RAB7A: variants seen among roughly 807,000 people sequenced by gnomAD.
RAB7A encodes the protein RAB7A, member RAS oncogene family.
RAB7A carries 2 observed loss-of-function variants against 24.5 expected under a neutral mutation model. The observed-to-expected ratio is 0.08, with a 90% CI of 0.03 to 0.26. The LOEUF is 0.26. Ranked by LOEUF, RAB7A falls within the 10% of genes least tolerant of loss-of-function variation. RAB7A has a pLI of 1.00. For synonymous variants in RAB7A, 100 were observed against 95.9 expected (o/e 1.04, Z -0.25); for missense variants, 118 against 255.7 (o/e 0.46, Z 3.67).
chr3:128,764,294 C>CT (rs60683091), intron 1 of RAB7A, among the ~76,000 whole-genome samples: 8,207 of 146,868 alleles, frequency 0.056, 626 homozygotes, highest in African/African-American at 0.17. Flanking sequence ...AACTTTCTTT[C>CT]TTTTTTTTTT....
chr3:128,801,207 C>T (rs1244022948), intron 3 of RAB7A, among the ~76,000 whole-genome samples: 4 of 152,184 alleles, frequency 2.6e-5, no homozygotes, highest in Admixed American at 2.6e-4. Flanking sequence ...CTGTATTGTA[C>T]ACTTAAAAAT....
chr3:128,732,095 A>G (rs1163561324), intron 1 of RAB7A, among the ~76,000 whole-genome samples: 1 of 147,404 alleles, frequency 6.8e-6, no homozygotes, highest in African/African-American at 2.5e-5. Flanking sequence ...GCTGGAGTGC[A>G]GTAGCATGAT....
At chr3:128,736,840 G>A (rs1303506200) in intron 1 of RAB7A, among the ~76,000 whole-genome samples, 1 of 152,052 alleles carries the variant, frequency 6.6e-6, no homozygotes, top group South Asian at 2.1e-4. Flanking sequence ...TGGAAGGCAC[G>A]GAGTTGGAAA....
intron 1 of RAB7A, among the ~76,000 whole-genome samples, chr3:128,755,427 A>G (rs968744172): frequency 6.6e-5 from 10 of 152,212 alleles, no homozygotes; most frequent in Non-Finnish European, 1.2e-4. Flanking sequence ...CAAATCACCA[A>G]TCTAACTTTT....
At chr3:128,758,925 C>T (rs990974541) in intron 1 of RAB7A, among the ~76,000 whole-genome samples, 2 of 152,168 alleles carry the variant, frequency 1.3e-5, no homozygotes, top group Non-Finnish European at 1.5e-5. Flanking sequence ...ATCCCTGGCT[C>T]AGAGTTTTAA....
intron 1 of RAB7A, among the ~76,000 whole-genome samples, chr3:128,795,090 A>G (rs1240186203): frequency 5.3e-5 from 8 of 152,192 alleles, no homozygotes. Context: ...AATCCATTCA[A>G]TTGATCCACC....
intron 1 of RAB7A, among the ~76,000 whole-genome samples, chr3:128,750,334 T>C (rs1241182181): frequency 6.6e-6 from 1 of 152,218 alleles, no homozygotes. Flanking sequence ...CGATGTCAGC[T>C]CACTGCAGCC....
In RAB7A at chr3:128,813,572, C is replaced by A; in HGVS notation, c.*150C>A. ...GAAAACCCCATCAAACACAGTTACACCCCACATATCTCTCACACACACACA... is the reference window on the plus strand; with the variant it reads ...GAAAACCCCATCAAACACAGTTACAACCCACATATCTCTCACACACACACA... On this transcript the variant is annotated 3_prime_UTR_variant, in exon 6 of 6. Coordinates refer to ENST00000265062, the MANE Select transcript of RAB7A (RefSeq NM_004637.6). The A allele has an allele frequency of 1.4e-6, 1 of 706,690 alleles. No homozygotes were observed. 43.8% of individuals were successfully genotyped at this position (706,690 alleles called of 1,614,324 possible). A position where few individuals can be genotyped will look rare whatever the true frequency, so the allele number is the denominator to read the frequency against.
Position 128,814,401 on chromosome 3 carries a change from C to T in RAB7A, c.*979C>T, listed in dbSNP as rs1183669134. 6.6e-6 allele frequency: 1 copy of T among 152,572 alleles called. No homozygotes were observed. Among genetic ancestry groups the T allele is most frequent in the Admixed American group, 6.5e-5 (1 of 15,282 alleles). The allele number at this position is 152,572 out of a possible 1,614,324, so 9.5% of individuals were successfully genotyped here. On this transcript the variant is annotated 3_prime_UTR_variant, in exon 6 of 6. Coordinates refer to ENST00000265062, the MANE Select transcript of RAB7A (RefSeq NM_004637.6). ...CCGTTATTTCAAAAATTAAAATTCT[C>T]ATTTTCTTTCTTTTTTTTCCCCCCT...
At chr3:128,800,227 A>C (rs1455315393) in intron 3 of RAB7A, among the ~76,000 whole-genome samples, 1 of 152,254 alleles carries the variant, frequency 6.6e-6, no homozygotes, top group African/African-American at 2.4e-5. Flanking sequence ...ACAGACTGAC[A>C]AATTCTCAAC....
Position 128,813,574 on chromosome 3 carries a change from C to T in RAB7A, c.*152C>T. 2 of 701,340 alleles carry T rather than the reference C, an allele frequency of 2.9e-6. No homozygotes were observed. The highest frequency in any genetic ancestry group is 5.2e-6 in the Non-Finnish European group (2 of 387,592). 43.4% of individuals were successfully genotyped at this position (701,340 alleles called of 1,614,324 possible). ...AAACCCCATCAAACACAGTTACACC[C>T]CACATATCTCTCACACACACACACA... On this transcript the variant is annotated 3_prime_UTR_variant, in exon 6 of 6. Transcript: ENST00000265062.
intron 1 of RAB7A, among the ~76,000 whole-genome samples, chr3:128,765,562 G>T (rs73198823): frequency 0.041 from 6,299 of 152,250 alleles, 178 homozygotes; most frequent in Non-Finnish European, 0.058. Flanking sequence ...TGGAGGCTGA[G>T]GAAGTCCATT....
intron 5 of RAB7A, among the ~76,000 whole-genome samples, chr3:128,810,351 A>G (rs575584319): frequency 6.6e-6 from 1 of 152,150 alleles, no homozygotes; most frequent in African/African-American, 2.4e-5. Context: ...TTTTTCTTCA[A>G]GCCCACTGTT....
chr3:128,737,823 T>C (rs2712403), intron 1 of RAB7A, among the ~76,000 whole-genome samples: 1 of 118,582 alleles, frequency 8.4e-6, no homozygotes, highest in South Asian at 2.9e-4. Flanking sequence ...TATTTTTTTG[T>C]AGTTTTTTTT....
rs76507609 is a variant in RAB7A, at chr3:128,759,586, C to G, written c.-9+33227C>G. Reference sequence around the variant, plus strand: ...AAAGTGTTGTGAAACCTTTGACATTCTGTTCTTTAACACTTCCTCCTCAGC... The same window carrying G: ...AAAGTGTTGTGAAACCTTTGACATTGTGTTCTTTAACACTTCCTCCTCAGC... On this transcript the variant is annotated intron_variant, in intron 1 of 5. Transcript: ENST00000265062. 2.0e-5 allele frequency among the ~76,000 whole-genome samples: 3 copies of G among 152,344 alleles called. No individual in the cohort carries two copies. In the East Asian group the frequency reaches 5.8e-4, roughly 29 times the overall value.
intron 1 of RAB7A, among the ~76,000 whole-genome samples, chr3:128,746,152 A>G (rs2070612321): frequency 6.6e-6 from 1 of 152,192 alleles, no homozygotes; most frequent in Admixed American, 6.5e-5. Flanking sequence ...CTCCTGTCCG[A>G]AACATTGTAC....
At chr3:128,752,411 A>G (rs1259988359) in intron 1 of RAB7A, among the ~76,000 whole-genome samples, 1 of 152,096 alleles carries the variant, frequency 6.6e-6, no homozygotes, top group Non-Finnish European at 1.5e-5. Flanking sequence ...TGAGAAAATA[A>G]AAAGAAAAAA....
intron 1 of RAB7A, among the ~76,000 whole-genome samples, chr3:128,786,401 C>G (rs2107607197): frequency 6.6e-6 from 1 of 151,150 alleles, no homozygotes; most frequent in Non-Finnish European, 1.5e-5. Context: ...TCTGGTCTCT[C>G]CTCATGACCT....
At chr3:128,781,267 C>A (rs1933212481) in intron 1 of RAB7A, among the ~76,000 whole-genome samples, 1 of 152,214 alleles carries the variant, frequency 6.6e-6, no homozygotes, top group South Asian at 2.1e-4. Flanking sequence ...GCCCTCATAA[C>A]AAAGCCACCC....
Sources: gnomAD v4.1 joint callset for allele counts (sites outside exome capture counted in the v4.1 genomes callset) on GRCh38, gnomAD v4.1.1 for gene constraint, MANE v1.5 for transcripts, NCBI Gene and HGNC (gene_info 2026-07-23, HGNC 2026-07-21) for gene names.